CLEC2A: variants seen among roughly 807,000 people sequenced by gnomAD.
CLEC2A encodes the protein C-type lectin domain family 2 member A, also known as keratinocyte-associated C-type lectin.
A neutral mutation model predicts 18.6 loss-of-function variants in CLEC2A; 19 were observed. That is an observed-to-expected ratio of 1.02 (90% CI 0.71 to 1.50). The LOEUF (loss-of-function observed/expected upper bound fraction) is 1.50, where lower values mean the gene tolerates loss of function less well. CLEC2A is among the 40% of genes most tolerant of loss of function. The pLI, the probability that CLEC2A is intolerant of heterozygous loss-of-function variation, is 0.00. For missense variants in CLEC2A, 190 were observed against 207.9 expected (o/e 0.91, Z 0.53); for synonymous variants, 74 against 64.0 (o/e 1.16, Z -0.75).
At chr12:9,905,514 C>A (rs1365709307) in intron 4 of CLEC2A, among the ~76,000 whole-genome samples, 1 of 152,110 alleles carries the variant, frequency 6.6e-6, no homozygotes, top group African/African-American at 2.4e-5. Flanking sequence ...ATAAGGCAAC[C>A]CATATAGTAT....
rs1591790023 is a variant in CLEC2A at position 9,913,510 on chromosome 12, A to T, written c.*56T>A. 1.3e-5 allele frequency: 20 copies of T among 1,512,916 alleles called. No individual in the cohort carries two copies. In the South Asian group the frequency reaches 2.3e-4, roughly 17 times the overall value. 93.7% of individuals were successfully genotyped at this position (1,512,916 alleles called of 1,614,324 possible). On this transcript the variant is annotated 3_prime_UTR_variant, in exon 5 of 5. Transcript: ENST00000455827. ...ATAAGTGAGAAAGCCACTTTTGCATAATTAGCTCTTCTTTCAATCTTGAAG... is the reference window on the plus strand; with the variant it reads ...ATAAGTGAGAAAGCCACTTTTGCATTATTAGCTCTTCTTTCAATCTTGAAG...
exon 5 of CLEC2A, chr12:9,898,725 C>T (rs117309614): frequency 8.4e-5 from 42 of 497,878 alleles, no homozygotes; most frequent in Admixed American, 2.7e-4. Flanking sequence ...AGCCTATTAA[C>T]TGTGAATCAA....
At chr12:9,901,502 A>C (rs1015029944) in intron 4 of CLEC2A, among the ~76,000 whole-genome samples, 8 of 152,200 alleles carry the variant, frequency 5.3e-5, no homozygotes, top group Non-Finnish European at 1.2e-4. Context: ...ACAATTTTAG[A>C]GCATACATTA....
chr12:9,931,321 C>G (rs1027560069), intron 1 of CLEC2A, among the ~76,000 whole-genome samples: 2 of 152,096 alleles, frequency 1.3e-5, no homozygotes, highest in Admixed American at 1.3e-4. Flanking sequence ...ATGAAGTTTT[C>G]ATAGATCAAG....
the CLEC2A span, among the ~76,000 whole-genome samples, chr12:9,886,155 T>TA: frequency 6.6e-6 from 1 of 152,150 alleles, no homozygotes; most frequent in Non-Finnish European, 1.5e-5. Flanking sequence ...TTACTAGTAG[T>TA]AAAAATATTT....
chr12:9,926,179 A>T (rs1863268539), intron 2 of CLEC2A, 81 bp downstream of exon 2: 1 of 818,344 alleles, frequency 1.2e-6, no homozygotes, highest in African/African-American at 1.7e-5. Flanking sequence ...TAGATGTGGG[A>T]GATTTGGAGT....
downstream of CLEC2A, among the ~76,000 whole-genome samples, chr12:9,912,600 C>T (rs1863003581): frequency 6.6e-6 from 1 of 150,920 alleles, no homozygotes; most frequent in African/African-American, 2.4e-5. Flanking sequence ...TGCCCATGTC[C>T]ATAAAAATCT....
downstream of CLEC2A, chr12:9,895,590 G>A (rs2137007012): frequency 8.9e-7 from 1 of 1,121,298 alleles, no homozygotes; most frequent in Non-Finnish European, 1.2e-6. Flanking sequence ...AACTTTGGCT[G>A]CTGAAGAATT....
chr12:9,896,376 C>A (rs1043770750), downstream of CLEC2A, among the ~76,000 whole-genome samples: 2 of 151,552 alleles, frequency 1.3e-5, no homozygotes, highest in Non-Finnish European at 2.9e-5. Flanking sequence ...TGTGATATAT[C>A]CATGTAACAA....
the CLEC2A span, chr12:9,888,718 T>G: frequency 1.4e-6 from 2 of 1,425,158 alleles, no homozygotes; most frequent in Non-Finnish European, 1.9e-6. Context: ...TATCTTTTCT[T>G]TGCACTGAGT....
intron 3 of CLEC2A, among the ~76,000 whole-genome samples, chr12:9,920,716 C>G (rs1863157452): frequency 1.3e-5 from 2 of 152,180 alleles, no homozygotes; most frequent in Non-Finnish European, 2.9e-5. Context: ...CTCTCCAACC[C>G]CCAGCTTTTC....
At position 9,901,208 on chromosome 12, in the gene CLEC2A, C is replaced by G. The variant is rs540441743; in HGVS notation, c.411-2232G>C. On this transcript the variant is annotated intron_variant, in intron 4 of 4. Transcript: ENST00000339766. ...GTGAACATTTCAGCTCTTCATGACC[C>G]CTGTACAGTTTTCTTTATTCCAATG... Among the ~76,000 whole-genome samples, 53 of 152,226 alleles carry G rather than the reference C, an allele frequency of 3.5e-4. 1 individual carries two copies. In the South Asian group the frequency reaches 8.9e-3, roughly 26 times the overall value.
intron 2 of CLEC2A, among the ~76,000 whole-genome samples, chr12:9,925,525 C>A (rs928316249): frequency 2.6e-4 from 39 of 152,256 alleles, no homozygotes; most frequent in Admixed American, 2.1e-3. Context: ...TTTTCTTATA[C>A]CTGTATCCTA....
chr12:9,900,381 C>A (rs528415832), intron 4 of CLEC2A, among the ~76,000 whole-genome samples: 23 of 152,148 alleles, frequency 1.5e-4, no homozygotes, highest in South Asian at 2.1e-4. Flanking sequence ...AATGTATAAG[C>A]TTTGAAATCT....
the CLEC2A span, among the ~76,000 whole-genome samples, chr12:9,892,038 C>T: frequency 6.6e-6 from 1 of 152,170 alleles, no homozygotes; most frequent in Non-Finnish European, 1.5e-5. Context: ...ACCTCACAAA[C>T]CTTCCAATCA....
intron 4 of CLEC2A, among the ~76,000 whole-genome samples, chr12:9,907,262 C>T (rs1050408908): frequency 3.3e-5 from 5 of 152,136 alleles, no homozygotes; most frequent in African/African-American, 1.2e-4. Context: ...AAAGCTAGAA[C>T]AGGGGCAGTT....
intron 2 of CLEC2A, among the ~76,000 whole-genome samples, chr12:9,923,157 G>A (rs1483169358): frequency 2.0e-5 from 3 of 152,122 alleles, no homozygotes; most frequent in Non-Finnish European, 2.9e-5. Flanking sequence ...AGCCCCGCAT[G>A]CATTAGGTAT....
chr12:9,906,948 C>T lies in CLEC2A; in HGVS notation c.411-7972G>A, dbSNP rs75032819. On this transcript the variant is annotated intron_variant, in intron 4 of 4. Transcript: ENST00000339766. ...TCATTTCTTTCTATTAGAATAGCTTCGCATTTTAAGATGCTTGAGTCAGTG... is the reference window on the plus strand; with the variant it reads ...TCATTTCTTTCTATTAGAATAGCTTTGCATTTTAAGATGCTTGAGTCAGTG... Among the ~76,000 whole-genome samples, 80 of 152,304 alleles carry T rather than the reference C, an allele frequency of 5.3e-4. No individual in the cohort carries two copies. In the East Asian group the frequency reaches 0.013, roughly 25 times the overall value.
intron 3 of CLEC2A, among the ~76,000 whole-genome samples, chr12:9,917,621 A>C (rs1480102624): frequency 1.3e-5 from 2 of 151,934 alleles, no homozygotes; most frequent in African/African-American, 4.8e-5. Flanking sequence ...ATCATAAGTC[A>C]ATCACGTAAA....
Sources: allele counts gnomAD v4.1 joint callset (sites outside exome capture counted in the v4.1 genomes callset), GRCh38; gene constraint gnomAD v4.1.1; transcripts MANE v1.5; gene names NCBI Gene and HGNC (gene_info 2026-07-23, HGNC 2026-07-21).